POU6F2: variants seen among roughly 807,000 people sequenced by gnomAD.
The protein encoded by POU6F2 is POU domain, class 6, transcription factor 2.
In POU6F2, 31 loss-of-function variants were observed where a neutral mutation model predicts 71.3. The ratio of observed to expected loss-of-function variants is 0.43; its 90% CI spans 0.33 to 0.59. The LOEUF is 0.59. Ranked by LOEUF, POU6F2 falls within the 20% of genes least tolerant of loss-of-function variation. The pLI is 0.04. For synonymous variants in POU6F2, 347 were observed against 355.7 expected, an observed-to-expected ratio of 0.98 and a Z score of 0.27; for missense variants, 783 against 856.8, an observed-to-expected ratio of 0.91 and a Z score of 1.07.
rs145608345 is a variant in POU6F2 at position 39,042,862 on chromosome 7, T to C, written c.106-42998T>C. Among the ~76,000 whole-genome samples, 77 of 152,088 alleles carry C rather than the reference T, an allele frequency of 5.1e-4. No homozygotes were observed. The East Asian group carries it at 0.013, about 26-fold the overall frequency. Reference sequence around the variant, plus strand: ...CAGGGCACACTGACCTGTTTTTAACTGGGGCAGGGAGAATAGAAATCTTCT... The same window carrying C: ...CAGGGCACACTGACCTGTTTTTAACCGGGGCAGGGAGAATAGAAATCTTCT... On this transcript the variant is annotated intron_variant, in intron 1 of 9. Transcript: ENST00000518318.
intron 4 of POU6F2, among the ~76,000 whole-genome samples, chr7:39,250,910 A>G (rs893227008): frequency 6.6e-6 from 1 of 152,226 alleles, no homozygotes; most frequent in African/African-American, 2.4e-5. Flanking sequence ...TATCATGAAT[A>G]ACTGCAAATG....
intron 4 of POU6F2, among the ~76,000 whole-genome samples, chr7:39,259,156 T>TTG (rs149858682): frequency 6.6e-6 from 1 of 151,540 alleles, no homozygotes; most frequent in Admixed American, 6.6e-5. Flanking sequence ...AGACTATAGA[T>TTG]ATTAAGAGCC....
intron 2 of POU6F2, among the ~76,000 whole-genome samples, chr7:39,151,278 C>T (rs1792753489): frequency 6.6e-6 from 1 of 152,212 alleles, no homozygotes; most frequent in African/African-American, 2.4e-5. Context: ...AAAGTAACAG[C>T]AGCCTGAGCC....
At chr7:39,156,721 C>G (rs138958899) in intron 2 of POU6F2, among the ~76,000 whole-genome samples, 1 of 152,252 alleles carries the variant, frequency 6.6e-6, no homozygotes, top group East Asian at 1.9e-4. Context: ...AGTTAAACGA[C>G]TCAAAAGCAT....
rs148537641 is a variant in POU6F2, at chr7:39,220,276, G to C, written c.598+12656G>C. Among the ~76,000 whole-genome samples the C allele has an allele frequency of 1.6e-3, 239 of 152,300 alleles. 1 individual carries two copies. Among genetic ancestry groups the C allele is most frequent in the African/African-American group, 5.4e-3 (226 of 41,562 alleles). The stretch of plus-strand genomic sequence containing the variant: ...AATAGAAATAGGAGTTTGTCAAATA[G>C]CTGAACAATGGTTATAGACAAAAGA... On this transcript the variant is annotated intron_variant, in intron 4 of 9. Coordinates refer to ENST00000518318, the MANE Select transcript of POU6F2 (RefSeq NM_001370959.1).
Position 39,014,900 on chromosome 7 carries a change from C to T in POU6F2, c.105+36842C>T, listed in dbSNP as rs144606730. On this transcript the variant is annotated intron_variant, in intron 1 of 9. Transcript: ENST00000518318. ...CCTTTTGGCAAAAGTGGAACCGTTT[C>T]CATGAAGCTGTGCCTTCCTTCTTGC... 3.5e-3 allele frequency among the ~76,000 whole-genome samples: 525 copies of T among 152,166 alleles called. 7 individuals are homozygous for T. The South Asian group carries it at 0.035, about 10-fold the overall frequency.
rs550259758 is a variant in POU6F2 at position 39,256,197 on chromosome 7, G to C, written c.598+48577G>C. Among the ~76,000 whole-genome samples, 3 of 150,160 alleles carry C rather than the reference G, an allele frequency of 2.0e-5. No homozygotes were observed. In the East Asian group the frequency reaches 5.9e-4, roughly 29 times the overall value. ...CCATAGCTTTCATTACTCTCACCTT[G>C]TTATATGTATGCATCTACTTCCTTT... On this transcript the variant is annotated intron_variant, in intron 4 of 9. Coordinates refer to ENST00000518318, the MANE Select transcript of POU6F2 (RefSeq NM_001370959.1).
intron 5 of POU6F2, among the ~76,000 whole-genome samples, chr7:39,381,902 A>G (rs1201934298): frequency 6.6e-6 from 1 of 152,170 alleles, no homozygotes; most frequent in Non-Finnish European, 1.5e-5. Context: ...AAATCCCTTG[A>G]GCTAATAGCT....
At chr7:39,336,380 T>G (rs1187536583) in intron 4 of POU6F2, among the ~76,000 whole-genome samples, 1 of 152,184 alleles carries the variant, frequency 6.6e-6, no homozygotes, top group East Asian at 1.9e-4. Flanking sequence ...ATTCTGGACA[T>G]TTCATATGAA....
chr7:39,323,453 T>A (rs1785439799), intron 4 of POU6F2, among the ~76,000 whole-genome samples: 1 of 152,192 alleles, frequency 6.6e-6, no homozygotes, highest in Non-Finnish European at 1.5e-5. Context: ...AAGCCCTGTT[T>A]CTATGTGTGG....
At chr7:39,416,223 A>G (rs1215763598) in intron 6 of POU6F2, among the ~76,000 whole-genome samples, 2 of 152,126 alleles carry the variant, frequency 1.3e-5, no homozygotes, top group Non-Finnish European at 2.9e-5. Context: ...ATTTTTGCTA[A>G]TCAAAGAAAC....
At chr7:39,059,307 A>G (rs1790602301) in intron 1 of POU6F2, among the ~76,000 whole-genome samples, 1 of 152,116 alleles carries the variant, frequency 6.6e-6, no homozygotes, top group Admixed American at 6.6e-5. Context: ...AGATAAATGT[A>G]TATATACTTC....
chr7:39,020,586 A>G (rs1226873757), intron 1 of POU6F2, among the ~76,000 whole-genome samples: 3 of 152,168 alleles, frequency 2.0e-5, no homozygotes, highest in Non-Finnish European at 4.4e-5. Context: ...TCTGTAAGAT[A>G]CAATGTTTCC....
intron 2 of POU6F2, among the ~76,000 whole-genome samples, chr7:39,112,616 G>GT (rs769929223): frequency 2.5e-4 from 37 of 148,732 alleles, no homozygotes; most frequent in South Asian, 1.1e-3. Context: ...AGAATTGAGT[G>GT]TTTTTTTTTT....
intron 1 of POU6F2, chr7:39,034,579 C>T: frequency 3.2e-6 from 1 of 314,842 alleles, no homozygotes; most frequent in South Asian, 2.4e-5. Context: ...TGCAGAAGGT[C>T]ACTAGGGGAA....
chr7:39,036,023 G>C lies in POU6F2; in HGVS notation c.106-49837G>C, dbSNP rs138915807. Among the ~76,000 whole-genome samples the C allele has an allele frequency of 3.4e-3, 525 of 152,230 alleles. 9 individuals carry two copies. The highest frequency in any genetic ancestry group is 0.033 in the South Asian group (157 of 4,826). On this transcript the variant is annotated intron_variant, in intron 1 of 9. Transcript: ENST00000518318. The stretch of plus-strand genomic sequence containing the variant: ...ATTTATTTGCCCAAACTGGAAAAAT[G>C]CCGCCCAAAGAATATGAGGCGTGCG...
At chr7:39,393,573 A>C (rs1479022824) in intron 5 of POU6F2, among the ~76,000 whole-genome samples, 1 of 152,172 alleles carries the variant, frequency 6.6e-6, no homozygotes, top group Non-Finnish European at 1.5e-5. Flanking sequence ...TGTGAATTCA[A>C]GAGGGTAGAT....
At chr7:39,297,405 G>T (rs562259486) in intron 4 of POU6F2, among the ~76,000 whole-genome samples, 4 of 152,234 alleles carry the variant, frequency 2.6e-5, no homozygotes. Context: ...AAGTGATGAC[G>T]TGGGCCACGT....
intron 2 of POU6F2, among the ~76,000 whole-genome samples, chr7:39,165,093 G>A (rs533836619): frequency 1.6e-4 from 25 of 152,254 alleles, no homozygotes; most frequent in Admixed American, 1.4e-3. Context: ...CTTCCCCGGG[G>A]ATTACAGCCT....
Sources: allele counts gnomAD v4.1 joint callset (sites outside exome capture counted in the v4.1 genomes callset), GRCh38; gene constraint gnomAD v4.1.1; transcripts MANE v1.5; gene names NCBI Gene and HGNC (gene_info 2026-07-23, HGNC 2026-07-21).